Variants in AGBL1 observed in about 807,000 individuals in gnomAD.
AGBL1 encodes AGBL carboxypeptidase 1, also known as cytosolic carboxypeptidase 4.
A neutral mutation model predicts 118.9 loss-of-function variants in AGBL1; 130 were observed. The observed-to-expected ratio is 1.09, with a 90% CI of 0.95 to 1.26. AGBL1 has a LOEUF of 1.26. AGBL1 is among the 50% of genes most tolerant of loss of function. AGBL1 has a pLI of 0.00. For missense variants in AGBL1, 1,584 were observed against 1,298.1 expected (o/e 1.22, Z -3.38); for synonymous variants, 555 against 478.9 (o/e 1.16, Z -2.08).
intron 21 of AGBL1, among the ~76,000 whole-genome samples, chr15:86,639,816 C>T (rs150380559): frequency 1.1e-3 from 171 of 152,196 alleles, no homozygotes; most frequent in African/African-American, 3.9e-3. Flanking sequence ...GCCGGGAAAC[C>T]CATGTATATT....
At chr15:86,223,513 T>G (rs2078310939) in intron 5 of AGBL1, among the ~76,000 whole-genome samples, 1 of 152,216 alleles carries the variant, frequency 6.6e-6, no homozygotes, top group African/African-American at 2.4e-5. Flanking sequence ...GTGTTCCGTT[T>G]TCAATCCACT....
intron 4 of AGBL1, among the ~76,000 whole-genome samples, chr15:86,158,394 A>T (rs952772407): frequency 1.7e-4 from 26 of 152,178 alleles, no homozygotes; most frequent in Admixed American, 7.9e-4. Context: ...CAAGGCATTC[A>T]TAGGTCTTTG....
intron 17 of AGBL1, among the ~76,000 whole-genome samples, chr15:86,373,660 G>A (rs1253057379): frequency 6.6e-6 from 1 of 152,120 alleles, no homozygotes; most frequent in African/African-American, 2.4e-5. Context: ...GGGATAACAA[G>A]GTCAAGAGCC....
intron 22 of AGBL1, among the ~76,000 whole-genome samples, chr15:86,732,968 TATAC>T (rs1031380984): frequency 1.3e-4 from 19 of 149,322 alleles, no homozygotes; most frequent in South Asian, 2.1e-4. Context: ...CACATATACA[TATAC>T]ATACATACAG....
intron 17 of AGBL1, among the ~76,000 whole-genome samples, chr15:86,383,016 G>A (rs1025812253): frequency 1.3e-4 from 19 of 151,990 alleles, no homozygotes; most frequent in Non-Finnish European, 2.2e-4. Flanking sequence ...GCTCTGCTCT[G>A]GTGTCAGCTG....
intron 21 of AGBL1, among the ~76,000 whole-genome samples, chr15:86,673,450 T>A (rs2085781382): frequency 6.6e-6 from 1 of 152,334 alleles, no homozygotes; most frequent in South Asian, 2.1e-4. Context: ...CAGCTTTTTA[T>A]GTTGAGTAGT....
intron 24 of AGBL1, among the ~76,000 whole-genome samples, chr15:87,023,937 T>C (rs2081696498): frequency 6.6e-6 from 1 of 151,932 alleles, no homozygotes; most frequent in Admixed American, 6.6e-5. Context: ...TTGAACTGAA[T>C]GACAATAGTG....
chr15:86,857,374 G>A (rs2079498045), intron 22 of AGBL1, among the ~76,000 whole-genome samples: 2 of 151,996 alleles, frequency 1.3e-5, no homozygotes, highest in South Asian at 4.1e-4. Flanking sequence ...TTTCAGTATG[G>A]GATTCTCACC....
At chr15:86,362,002 GTTTC>G (rs1441869870) in intron 17 of AGBL1, among the ~76,000 whole-genome samples, 5 of 152,072 alleles carry the variant, frequency 3.3e-5, no homozygotes, top group African/African-American at 1.2e-4. Context: ...CTGTTTTGTA[GTTTC>G]TTTCTTTCTT....
chr15:86,569,181 C>T (rs761342230), intron 21 of AGBL1, among the ~76,000 whole-genome samples: 1 of 151,934 alleles, frequency 6.6e-6, no homozygotes, highest in African/African-American at 2.4e-5. Flanking sequence ...CCTGTTATCC[C>T]AACAATTTGG....
chr15:86,989,301 C>T (rs1490286694), intron 24 of AGBL1, among the ~76,000 whole-genome samples: 1 of 152,058 alleles, frequency 6.6e-6, no homozygotes, highest in African/African-American at 2.4e-5. Flanking sequence ...ACACCCAGCC[C>T]TCATTTGTGA....
intron 1 of AGBL1, chr15:86,138,320 C>G (rs2076916888): frequency 1.3e-5 from 2 of 152,234 alleles, no homozygotes; most frequent in Admixed American, 6.5e-5. Context: ...CTAACCAGGC[C>G]CAACCCTGTT....
chr15:86,527,258 C>T (rs1369545866), intron 19 of AGBL1, among the ~76,000 whole-genome samples: 1 of 152,150 alleles, frequency 6.6e-6, no homozygotes, highest in Non-Finnish European at 1.5e-5. Flanking sequence ...AACACGCACA[C>T]ATTCAATCCA....
At chr15:86,148,212 G>A (rs1032919371) in intron 3 of AGBL1, among the ~76,000 whole-genome samples, 3 of 152,212 alleles carry the variant, frequency 2.0e-5, no homozygotes, top group African/African-American at 7.2e-5. Flanking sequence ...AAAAATCAGA[G>A]CATCTCTTCT....
At chr15:86,199,504 A>G (rs149422908) in intron 5 of AGBL1, among the ~76,000 whole-genome samples, 4 of 152,340 alleles carry the variant, frequency 2.6e-5, no homozygotes, top group African/African-American at 9.6e-5. Context: ...GCACTAATGA[A>G]TACCCATGTG....
At chr15:86,696,905 T>A (rs558614059) in intron 22 of AGBL1, among the ~76,000 whole-genome samples, 4 of 152,154 alleles carry the variant, frequency 2.6e-5, no homozygotes, top group African/African-American at 9.6e-5. Context: ...TTGTTTTGTT[T>A]AAGGAGGCTG....
intron 22 of AGBL1, among the ~76,000 whole-genome samples, chr15:86,734,000 T>G (rs189276585): frequency 6.6e-6 from 1 of 152,298 alleles, no homozygotes; most frequent in East Asian, 1.9e-4. Flanking sequence ...TGACCCCTTA[T>G]ACAGGTTAAA....
intron 5 of AGBL1, among the ~76,000 whole-genome samples, chr15:86,196,902 C>T (rs1479635234): frequency 2.6e-5 from 4 of 151,568 alleles, no homozygotes; most frequent in Non-Finnish European, 5.9e-5. Flanking sequence ...CACACACACA[C>T]ACACACACAC....
intron 21 of AGBL1, among the ~76,000 whole-genome samples, chr15:86,618,998 T>C (rs949130590): frequency 6.6e-6 from 1 of 152,106 alleles, no homozygotes; most frequent in Non-Finnish European, 1.5e-5. Context: ...TTCTAAAAGA[T>C]TTTTAAAAAT....
Sources: gnomAD v4.1 joint callset for allele counts (sites outside exome capture counted in the v4.1 genomes callset) on GRCh38, gnomAD v4.1.1 for gene constraint, MANE v1.5 for transcripts, NCBI Gene and HGNC (gene_info 2026-07-23, HGNC 2026-07-21) for gene names.